The following NPRL2 variants were observed in gnomAD, a reference collection of about 807,000 sequenced individuals.
NPRL2 encodes the protein GATOR1 complex protein NPRL2.
In NPRL2, 21 loss-of-function variants were observed where a neutral mutation model predicts 51.1. The ratio of observed to expected loss-of-function variants is 0.41; its 90% CI spans 0.29 to 0.59. The LOEUF is 0.59. NPRL2 is among the 20% of genes least tolerant of loss of function. NPRL2 has a pLI of 0.29. For synonymous variants in NPRL2, 175 were observed against 187.8 expected (o/e 0.93, Z 0.56); for missense variants, 376 against 483.4 (o/e 0.78, Z 2.08).
In NPRL2 at chr3:50,348,634, G is replaced by T. The variant is rs2233483; in HGVS notation, c.683+51C>A. Reference sequence around the variant, plus strand: ...AACCCTCACACCCAGGGCCCCTGAGGTCTTCCCTGGCTGGTGACCTTGTCC... The same window carrying T: ...AACCCTCACACCCAGGGCCCCTGAGTTCTTCCCTGGCTGGTGACCTTGTCC... On this transcript the variant is annotated intron_variant, in intron 6 of 10. Coordinates refer to ENST00000232501, the MANE Select transcript of NPRL2 (RefSeq NM_006545.5). The surrounding 1 kb of genome is among the most constrained non-coding windows in gnomAD (Gnocchi z 5.8). The T allele has an allele frequency of 3.1e-6, 5 of 1,613,618 alleles. No individual in the cohort carries two copies. The highest frequency in any genetic ancestry group is 2.5e-6 in the Non-Finnish European group (3 of 1,179,736).
chr3:50,349,725 G>C lies in NPRL2; in HGVS notation c.279C>G (p.Ala93=), dbSNP rs770138304. The C allele has an allele frequency of 1.9e-6, 3 of 1,613,954 alleles. No homozygotes were observed. Among genetic ancestry groups the C allele is most frequent in the Non-Finnish European group, 2.5e-6 (3 of 1,180,000 alleles). Reference sequence around the variant, plus strand: ...CAATGGGCTCGAGGGCGCAGGTCTTGGCCTGGGCATCACACACGAAGCCCA... The same window carrying C: ...CAATGGGCTCGAGGGCGCAGGTCTTCGCCTGGGCATCACACACGAAGCCCA... The part of the protein sequence containing the change: ...FNLGFVCDAQ[A]KTCALEPIVK... Residue 93 remains alanine (A), a synonymous_variant, in exon 3 of 11, where the codon GCC becomes GCG. Transcript: ENST00000232501. The surrounding 1 kb of genome is among the most constrained non-coding windows in gnomAD (Gnocchi z 4.6).
Position 50,350,475 on chromosome 3 carries a change from C to T in NPRL2, c.78+100G>A. ...TCACAGTTGTCTGCGAATGAAGCAG[C>T]ATGCCTGCGTGCAGCACGGGAAACT... On this transcript the variant is annotated intron_variant, in intron 1 of 10. Transcript: ENST00000232501. This position sits in a 1 kb window ranked among gnomAD's most constrained non-coding sequence, Gnocchi z 5.7. The T allele has an allele frequency of 8.1e-7, 1 of 1,227,746 alleles. No individual in the cohort carries two copies. Among genetic ancestry groups the T allele is most frequent in the East Asian group, 2.5e-5 (1 of 39,286 alleles). 76.1% of individuals were successfully genotyped at this position (1,227,746 alleles called of 1,614,324 possible).
In NPRL2 at chr3:50,349,498, G is replaced by C. The variant is rs1347606321; in HGVS notation, c.340-4C>G. 2 of 1,613,692 alleles carry C rather than the reference G, an allele frequency of 1.2e-6. No homozygotes were observed. Among genetic ancestry groups the C allele is most frequent in the Non-Finnish European group, 1.7e-6 (2 of 1,179,936 alleles). On this transcript the variant is annotated splice_polypyrimidine_tract_variant and splice_region_variant and intron_variant, in intron 3 of 10. Coordinates refer to ENST00000232501, the MANE Select transcript of NPRL2 (RefSeq NM_006545.5). The surrounding 1 kb of genome is among the most constrained non-coding windows in gnomAD (Gnocchi z 4.6). ...TGGACACGAAGCTGCTCTCTAGCTA[G>C]ACAGAGCATGGAAAGCATGGTGGGC...
rs2233478 is a variant in NPRL2, at chr3:50,350,070, G to C, written c.79-48C>G. On this transcript the variant is annotated intron_variant, in intron 1 of 10. Transcript: ENST00000232501. The surrounding 1 kb of genome is among the most constrained non-coding windows in gnomAD (Gnocchi z 5.7). The stretch of plus-strand genomic sequence containing the variant: ...GCCCCTCAGTGGACATCTGTACTGG[G>C]TGTAGTACAAATGGTGACCTCCTCA... 802 of 1,489,630 alleles carry C rather than the reference G, an allele frequency of 5.4e-4. 1 individual carries two copies. Among genetic ancestry groups the C allele is most frequent in the Non-Finnish European group, 6.4e-4 (688 of 1,069,916 alleles). 92.3% of individuals were successfully genotyped at this position (1,489,630 alleles called of 1,614,324 possible).
In NPRL2 at chr3:50,347,655, A is replaced by G. The variant is rs1365812689; in HGVS notation, c.1094T>C (p.Leu365Pro). 1 of 1,614,094 alleles carries G rather than the reference A, an allele frequency of 6.2e-7. No homozygotes were observed. The part of the protein sequence containing the change: ...CCKTGMSYHE[L>P]DERLENDPNI... Reference sequence around the variant, plus strand: ...GGGGTCATTTTCAAGCCGCTCATCCAGCTCATGGTAGCTCATGCCTGGGTG... The same window carrying G: ...GGGGTCATTTTCAAGCCGCTCATCCGGCTCATGGTAGCTCATGCCTGGGTG... Residue 365 changes from leucine to proline, a missense_variant, in exon 11 of 11, where the codon CTG becomes CCG. Leu to Pro is a moderately conservative substitution (Grantham distance 98, BLOSUM62 -3). Transcript: ENST00000232501.
Position 50,348,825 on chromosome 3 carries a change from A to C in NPRL2, c.586-43T>G, listed in dbSNP as rs1377500659. 2 of 1,613,930 alleles carry C rather than the reference A, an allele frequency of 1.2e-6. No individual in the cohort carries two copies. The highest frequency in any genetic ancestry group is 3.3e-5 in the Admixed American group (2 of 60,022). ...AGGTCAGAAGAAACAGGATGAGGCC[A>C]GGGCTGTGGCCAGCCCCAGGTGATG... On this transcript the variant is annotated intron_variant, in intron 5 of 10. Coordinates refer to ENST00000232501, the MANE Select transcript of NPRL2 (RefSeq NM_006545.5). This position sits in a 1 kb window ranked among gnomAD's most constrained non-coding sequence, Gnocchi z 5.8.
rs1348761408 is a variant in NPRL2, at chr3:50,349,720, G to T, written c.284C>A (p.Thr95Asn). 6.2e-7 allele frequency: 1 copy of T among 1,613,892 alleles called. No individual in the cohort carries two copies. Among genetic ancestry groups the T allele is most frequent in the South Asian group, 1.1e-5 (1 of 91,080 alleles). The change falls in exon 3 of 11, where the codon ACC becomes AAC. Residue 95 changes from threonine (T) to asparagine (N), a missense_variant. Transcript: ENST00000232501. This position sits in a 1 kb window ranked among gnomAD's most constrained non-coding sequence, Gnocchi z 4.6. The stretch of plus-strand genomic sequence containing the variant: ...TTTAACAATGGGCTCGAGGGCGCAG[G>T]TCTTGGCCTGGGCATCACACACGAA... ...LGFVCDAQAKTCALEPIVKKL... is the reference protein window; with the variant it reads ...LGFVCDAQAKNCALEPIVKKL...
At position 50,347,465 on chromosome 3, in the gene NPRL2, C is replaced by A; in HGVS notation, c.*141G>T. On this transcript the variant is annotated 3_prime_UTR_variant, in exon 11 of 11. Transcript: ENST00000232501. ...TCACTGCTGGGTCTCCCACGGCTGGCCCAGAAACAGCACTCAATAAAGGCT... is the reference window on the plus strand; with the variant it reads ...TCACTGCTGGGTCTCCCACGGCTGGACCAGAAACAGCACTCAATAAAGGCT... The A allele has an allele frequency of 4.7e-6, 5 of 1,056,158 alleles. No individual in the cohort carries two copies. Among genetic ancestry groups the A allele is most frequent in the Non-Finnish European group, 6.9e-6 (5 of 720,126 alleles). The allele number at this position is 1,056,158 out of a possible 1,614,324, so 65.4% of individuals were successfully genotyped here. A position where few individuals can be genotyped will look rare whatever the true frequency, so the allele number is the denominator to read the frequency against.
intron 9 of NPRL2, 34 bp from the exon 10 acceptor site, chr3:50,347,935 T>C (rs1470047667): frequency 1.2e-6 from 2 of 1,611,616 alleles, no homozygotes; most frequent in Admixed American, 1.7e-5. Context: ...GGTGACGCCC[T>C]GGCCAGGCCT....
rs201388042 is a variant in NPRL2 at position 50,349,459 on chromosome 3, C to T, written c.375G>A (p.Lys125=). 3 of 1,613,862 alleles carry T rather than the reference C, an allele frequency of 1.9e-6. No individual in the cohort carries two copies. In the East Asian group the frequency reaches 6.7e-5, roughly 36 times the overall value. The stretch of plus-strand genomic sequence containing the variant: ...TGGTCATGATGGGCACCAACTTCTG[C>T]TTGCTCTCCTCCATGGACACGAAGC... ...ESSFVSMEES[K]QKLVPIMTIL... is the part of the protein sequence containing the mutation. Residue 125 remains lysine (K), a synonymous_variant, in exon 4 of 11, where the codon AAG becomes AAA. Coordinates refer to ENST00000232501, the MANE Select transcript of NPRL2 (RefSeq NM_006545.5). This position sits in a 1 kb window ranked among gnomAD's most constrained non-coding sequence, Gnocchi z 4.6.
In NPRL2 at chr3:50,350,745, C is replaced by A; in HGVS notation, c.-93G>T. On this transcript the variant is annotated 5_prime_UTR_variant, in exon 1 of 11. It adds an upstream start codon to the 5' untranslated region. Coordinates refer to ENST00000232501, the MANE Select transcript of NPRL2 (RefSeq NM_006545.5). This position sits in a 1 kb window ranked among gnomAD's most constrained non-coding sequence, Gnocchi z 5.7. Reference sequence around the variant, plus strand: ...CACTTGTCAGAGACAGCCTCGAGGCCTGTGTCGCTGGGGCACGCAAGCTTG... The same window carrying A: ...CACTTGTCAGAGACAGCCTCGAGGCATGTGTCGCTGGGGCACGCAAGCTTG... 1 of 1,506,060 alleles carries A rather than the reference C, an allele frequency of 6.6e-7. No individual in the cohort carries two copies. Among genetic ancestry groups the A allele is most frequent in the Non-Finnish European group, 8.9e-7 (1 of 1,127,108 alleles). 93.3% of individuals were successfully genotyped at this position (1,506,060 alleles called of 1,614,324 possible).
rs1305597534 is a variant in NPRL2 at position 50,347,743 on chromosome 3, GC to G, written c.1075+15del. ...ACCCTGCCCTGAACCCACCCTGACT[GC>G]CCGCCTGCCTCCACCTGTCTTGCAG... On this transcript the variant is annotated intron_variant, in intron 10 of 10. Coordinates refer to ENST00000232501, the MANE Select transcript of NPRL2 (RefSeq NM_006545.5). The G allele has an allele frequency of 3.1e-6, 5 of 1,613,740 alleles. No individual in the cohort carries two copies. The highest frequency in any genetic ancestry group is 4.2e-6 in the Non-Finnish European group (5 of 1,179,982).
chr3:50,347,458 C>A lies in NPRL2; in HGVS notation c.*148G>T. 1 of 953,358 alleles carries A rather than the reference C, an allele frequency of 1.0e-6. No individual in the cohort carries two copies. Among genetic ancestry groups the A allele is most frequent in the South Asian group, 1.5e-5 (1 of 66,078 alleles). 59.1% of individuals were successfully genotyped at this position (953,358 alleles called of 1,614,324 possible). A position where few individuals can be genotyped will look rare whatever the true frequency, so the allele number is the denominator to read the frequency against. ...ATTTCATTCACTGCTGGGTCTCCCACGGCTGGCCCAGAAACAGCACTCAAT... is the reference window on the plus strand; with the variant it reads ...ATTTCATTCACTGCTGGGTCTCCCAAGGCTGGCCCAGAAACAGCACTCAAT... On this transcript the variant is annotated 3_prime_UTR_variant, in exon 11 of 11. Transcript: ENST00000232501.
Position 50,348,188 on chromosome 3 carries a change from G to A in NPRL2, c.868C>T (p.Pro290Ser). 2 of 1,614,020 alleles carry A rather than the reference G, an allele frequency of 1.2e-6. No individual in the cohort carries two copies. The highest frequency in any genetic ancestry group is 1.7e-6 in the Non-Finnish European group (2 of 1,180,036). Residue 290 changes from proline to serine, a missense_variant, in exon 9 of 11, where the codon CCT becomes TCT. Pro to Ser is a moderately conservative substitution (Grantham distance 74, BLOSUM62 -1). Coordinates refer to ENST00000232501, the MANE Select transcript of NPRL2 (RefSeq NM_006545.5). This position sits in a 1 kb window ranked among gnomAD's most constrained non-coding sequence, Gnocchi z 5.8. ...DVFQLYCSLS[P>S]GTTVRDLIGR... Reference sequence around the variant, plus strand: ...ATGAGGTCTCGCACGGTAGTGCCAGGGCTCAGGCTGCAGTATAGCTGGAAC... The same window carrying A: ...ATGAGGTCTCGCACGGTAGTGCCAGAGCTCAGGCTGCAGTATAGCTGGAAC...
In NPRL2 at chr3:50,348,713, G is replaced by A. The variant is rs1703643183; in HGVS notation, c.655C>T (p.Leu219=). Residue 219 remains leucine, a synonymous_variant, in exon 6 of 11, where the codon CTG becomes TTG. Transcript: ENST00000232501. This position sits in a 1 kb window ranked among gnomAD's most constrained non-coding sequence, Gnocchi z 5.8. ...AGGTTCTGGATAGCAATGCGCACCA[G>A]GTTGAGCTCCACATCTGCCTCTGCT... ...ISAEADVELN[L]VRIAIQNLLY... The A allele has an allele frequency of 1.2e-6, 2 of 1,613,928 alleles. No homozygotes were observed. The highest frequency in any genetic ancestry group is 1.7e-6 in the Non-Finnish European group (2 of 1,180,044).
At position 50,348,167 on chromosome 3, in the gene NPRL2, G is replaced by A; in HGVS notation, c.889C>T (p.Leu297Phe). The A allele has an allele frequency of 1.2e-6, 2 of 1,614,070 alleles. No individual in the cohort carries two copies. Among genetic ancestry groups the A allele is most frequent in the South Asian group, 1.1e-5 (1 of 91,084 alleles). The part of the protein sequence containing the change: ...SLSPGTTVRD[L>F]IGRHPQQLQH... ...AGCTGCTGGGGGTGGCGGCCAATGA[G>A]GTCTCGCACGGTAGTGCCAGGGCTC... Residue 297 changes from leucine (L) to phenylalanine (F), a missense_variant, in exon 9 of 11, where the codon CTC becomes TTC. By Grantham distance (22) the Leu-to-Phe change is conservative. Coordinates refer to ENST00000232501, the MANE Select transcript of NPRL2 (RefSeq NM_006545.5). The surrounding 1 kb of genome is among the most constrained non-coding windows in gnomAD (Gnocchi z 5.8).
At position 50,349,221 on chromosome 3, in the gene NPRL2, G is replaced by A. The variant is rs1703664115; in HGVS notation, c.448+165C>T. On this transcript the variant is annotated intron_variant, in intron 4 of 10. Coordinates refer to ENST00000232501, the MANE Select transcript of NPRL2 (RefSeq NM_006545.5). This position sits in a 1 kb window ranked among gnomAD's most constrained non-coding sequence, Gnocchi z 4.6. ...GAGCTCTGCTTTCCCCCTACCCCCAGTCCCAGCTCCATCATGCATTGGACC... is the reference window on the plus strand; with the variant it reads ...GAGCTCTGCTTTCCCCCTACCCCCAATCCCAGCTCCATCATGCATTGGACC... The A allele has an allele frequency of 1.2e-6, 1 of 835,904 alleles. No individual in the cohort carries two copies. The highest frequency in any genetic ancestry group is 1.7e-5 in the South Asian group (1 of 60,198). 51.8% of individuals were successfully genotyped at this position (835,904 alleles called of 1,614,324 possible). A position where few individuals can be genotyped will look rare whatever the true frequency, so the allele number is the denominator to read the frequency against.
In NPRL2 at chr3:50,348,219, C is replaced by T. The variant is rs753558066; in HGVS notation, c.837G>A (p.Arg279=). Residue 279 remains arginine (R), a synonymous_variant, in exon 9 of 11, where the codon CGG becomes CGA. Transcript: ENST00000232501. The surrounding 1 kb of genome is among the most constrained non-coding windows in gnomAD (Gnocchi z 5.8). Reference sequence around the variant, plus strand: ...GGCTGCAGTATAGCTGGAACACATCCCGGAGACTGGCCCTCTTGTGCCCTG... The same window carrying T: ...GGCTGCAGTATAGCTGGAACACATCTCGGAGACTGGCCCTCTTGTGCCCTG... ...TKQGHKRASL[R]DVFQLYCSLS... 1 of 1,613,984 alleles carries T rather than the reference C, an allele frequency of 6.2e-7. No individual in the cohort carries two copies. Among genetic ancestry groups the T allele is most frequent in the Admixed American group, 1.7e-5 (1 of 60,026 alleles).
rs1428535202 is a variant in NPRL2 at position 50,348,647 on chromosome 3, G to T, written c.683+38C>A. On this transcript the variant is annotated intron_variant, in intron 6 of 10. Coordinates refer to ENST00000232501, the MANE Select transcript of NPRL2 (RefSeq NM_006545.5). This position sits in a 1 kb window ranked among gnomAD's most constrained non-coding sequence, Gnocchi z 5.8. ...AGGGCCCCTGAGGTCTTCCCTGGCT[G>T]GTGACCTTGTCCCAGGTATGACTGT... The T allele has an allele frequency of 6.2e-7, 1 of 1,613,802 alleles. No individual in the cohort carries two copies. Among genetic ancestry groups the T allele is most frequent in the African/African-American group, 1.3e-5 (1 of 74,914 alleles).
Sources: allele counts gnomAD v4.1 joint callset, GRCh38; gene constraint gnomAD v4.1.1; non-coding constraint Gnocchi (gnomAD v3.1); transcripts MANE v1.5; gene names NCBI Gene and HGNC (gene_info 2026-07-23, HGNC 2026-07-21).